MYOM1: variants seen among roughly 807,000 people sequenced by gnomAD.
MYOM1 encodes myomesin 1.
MYOM1 carries 164 observed loss-of-function variants against 205.3 expected under a neutral mutation model. The observed-to-expected ratio is 0.80, with a 90% CI of 0.70 to 0.91. MYOM1 has a LOEUF of 0.91. MYOM1 is among the 40% of genes least tolerant of loss of function. The probability of loss-of-function intolerance (pLI) is 0.00; values close to 1 mark genes in which losing one functional copy is unlikely to be tolerated. For missense variants in MYOM1, 2,011 were observed against 2,127.3 expected (o/e 0.95, Z 1.08); for synonymous variants, 772 against 789.4 (o/e 0.98, Z 0.37).
At chr18:3,104,695 T>C (rs1489579709) in intron 22 of MYOM1, among the ~76,000 whole-genome samples, 1 of 150,214 alleles carries the variant, frequency 6.7e-6, no homozygotes, top group Non-Finnish European at 1.5e-5. Flanking sequence ...AGTTCTGATG[T>C]GACAAAGTCC....
intron 16 of MYOM1, among the ~76,000 whole-genome samples, chr18:3,133,341 A>G (rs2079905190): frequency 6.6e-6 from 1 of 152,138 alleles, no homozygotes; most frequent in African/African-American, 2.4e-5. Context: ...CTATTTGACA[A>G]TTTCTGGGAG....
chr18:3,141,264 G>A (rs191472993), intron 14 of MYOM1, among the ~76,000 whole-genome samples: 61 of 152,226 alleles, frequency 4.0e-4, no homozygotes, highest in African/African-American at 1.3e-3. Context: ...CCTCAAATAC[G>A]GATATGTGTT....
intron 34 of MYOM1, 103 bp downstream of exon 34, chr18:3,079,076 G>C (rs2079054045): frequency 8.2e-7 from 1 of 1,221,960 alleles, no homozygotes; most frequent in South Asian, 1.3e-5. Context: ...GCCTCTCAAG[G>C]TGTTGGGATT....
chr18:3,099,439 T>G (rs1427647138), intron 25 of MYOM1, among the ~76,000 whole-genome samples: 1 of 152,214 alleles, frequency 6.6e-6, no homozygotes. Flanking sequence ...TTAAAAAGAA[T>G]GGGTGTATAC....
chr18:3,124,300 T>TTCC (rs2079743905), intron 19 of MYOM1, among the ~76,000 whole-genome samples: 1 of 84,900 alleles, frequency 1.2e-5, no homozygotes, highest in South Asian at 3.2e-4. Context: ...ACTTTTCTTT[T>TTCC]TTCTTTTTTT....
intron 6 of MYOM1, among the ~76,000 whole-genome samples, chr18:3,174,792 T>C (rs2080612809): frequency 6.6e-6 from 1 of 152,174 alleles, no homozygotes; most frequent in Admixed American, 6.5e-5. Flanking sequence ...ATCTAAGTTA[T>C]TTACACTTCA....
intron 34 of MYOM1, among the ~76,000 whole-genome samples, chr18:3,078,892 G>A (rs921312039): frequency 6.6e-6 from 1 of 150,956 alleles, no homozygotes; most frequent in African/African-American, 2.4e-5. Flanking sequence ...AGGCTGGCTG[G>A]TCTTGAACTC....
Position 3,155,378 on chromosome 18 carries a change from C to T in MYOM1, c.1502-290G>A, listed in dbSNP as rs534726134. On this transcript the variant is annotated intron_variant, in intron 10 of 37. Transcript: ENST00000356443. Reference sequence around the variant, plus strand: ...CTGGGACTACAGGCACCCGCCACCACGCCCAGCTAATTTCTTTTTGTATTT... The same window carrying T: ...CTGGGACTACAGGCACCCGCCACCATGCCCAGCTAATTTCTTTTTGTATTT... Among the ~76,000 whole-genome samples the T allele has an allele frequency of 4.3e-4, 66 of 152,280 alleles. 1 individual carries two copies. Among genetic ancestry groups the T allele is most frequent in the Non-Finnish European group, 7.6e-4 (52 of 68,016 alleles).
At chr18:3,161,316 C>T (rs1386729707) in intron 10 of MYOM1, among the ~76,000 whole-genome samples, 1 of 152,204 alleles carries the variant, frequency 6.6e-6, no homozygotes, top group African/African-American at 2.4e-5. Flanking sequence ...CTGTTCAATG[C>T]CGATGTGGTG....
intron 10 of MYOM1, 118 bp from the exon 11 acceptor site, chr18:3,155,206 C>A: frequency 2.9e-6 from 3 of 1,028,064 alleles, no homozygotes; most frequent in South Asian, 4.6e-5. Flanking sequence ...TTGGCCCCAA[C>A]GCAGCAAGCA....
In MYOM1 at chr18:3,135,783, T is replaced by C. The variant is rs1462750720; in HGVS notation, c.2026-53A>G. 7.5e-6 allele frequency: 12 copies of C among 1,598,204 alleles called. No homozygotes were observed. The highest frequency in any genetic ancestry group is 1.0e-5 in the Non-Finnish European group (12 of 1,169,612). ...AAAGCACAGCAAACACAAGCGAGAA[T>C]CCAGGCCAGGCAACTCCAAGTTTCA... On this transcript the variant is annotated intron_variant, in intron 14 of 37. Transcript: ENST00000356443. The surrounding 1 kb of genome is among the most constrained non-coding windows in gnomAD (Gnocchi z 4.1).
intron 13 of MYOM1, among the ~76,000 whole-genome samples, chr18:3,143,104 G>A (rs888580951): frequency 1.3e-5 from 2 of 152,098 alleles, no homozygotes; most frequent in African/African-American, 2.4e-5. Context: ...ATCAAATGCT[G>A]AAAAAACAGT....
intron 2 of MYOM1, among the ~76,000 whole-genome samples, chr18:3,201,657 T>TA (rs2081070649): frequency 6.6e-6 from 1 of 151,662 alleles, no homozygotes; most frequent in Admixed American, 6.6e-5. Context: ...AATTCTTTTT[T>TA]TTTTTTTTGA....
chr18:3,129,034 T>A (rs991811356), intron 18 of MYOM1, among the ~76,000 whole-genome samples, 198 bp downstream of exon 18: 1 of 152,180 alleles, frequency 6.6e-6, no homozygotes, highest in African/African-American at 2.4e-5. Flanking sequence ...CAAAATGATG[T>A]GTACAAGCCA....
intron 34 of MYOM1, among the ~76,000 whole-genome samples, chr18:3,078,684 C>T (rs538557331): frequency 1.6e-4 from 24 of 152,292 alleles, no homozygotes; most frequent in African/African-American, 5.8e-4. Context: ...GATCCTCCCA[C>T]CTTGGCCTCC....
chr18:3,120,971 A>C (rs532804620), intron 19 of MYOM1, among the ~76,000 whole-genome samples: 17 of 152,352 alleles, frequency 1.1e-4, no homozygotes, highest in Admixed American at 2.0e-4. Flanking sequence ...CAAGAGATGG[A>C]AAATACAGTA....
chr18:3,084,983 A>G, intron 31 of MYOM1, 62 bp downstream of exon 31: 1 of 1,261,986 alleles, frequency 7.9e-7, no homozygotes, highest in Non-Finnish European at 1.1e-6. Context: ...GGCCTCAATC[A>G]TCATTCTGGT....
At chr18:3,094,329 C>A in intron 25 of MYOM1, 23 bp from the exon 26 acceptor site, 2 of 1,564,914 alleles carry the variant, frequency 1.3e-6, no homozygotes, top group Non-Finnish European at 1.7e-6. Context: ...AAAATAAACA[C>A]AGTAATTATA....
At chr18:3,121,653 C>T (rs1391422451) in intron 19 of MYOM1, among the ~76,000 whole-genome samples, 1 of 152,112 alleles carries the variant, frequency 6.6e-6, no homozygotes, top group African/African-American at 2.4e-5. Flanking sequence ...GTTTTTAAGG[C>T]CCTTCTGTTT....
Sources: gnomAD v4.1 joint callset for allele counts (sites outside exome capture counted in the v4.1 genomes callset) on GRCh38, gnomAD v4.1.1 for gene constraint, Gnocchi (gnomAD v3.1) non-coding constraint, MANE v1.5 for transcripts, NCBI Gene and HGNC (gene_info 2026-07-23, HGNC 2026-07-21) for gene names.